Variants in IARS1 observed in about 807,000 individuals in gnomAD.
The protein encoded by IARS1 is isoleucine--tRNA ligase, cytoplasmic.
A neutral mutation model predicts 168.2 loss-of-function variants in IARS1; 124 were observed. That is an observed-to-expected ratio of 0.74 (90% CI 0.64 to 0.86). The LOEUF is 0.86. Ranked by LOEUF, IARS1 falls within the 40% of genes least tolerant of loss-of-function variation. IARS1 has a pLI of 0.00. For synonymous variants in IARS1, 532 were observed against 529.4 expected (o/e 1.00, Z -0.07); for missense variants, 1,452 against 1,515.8 (o/e 0.96, Z 0.70).
rs1835726626 is a variant in IARS1, at chr9:92,288,044, T to C, written c.276+82A>G. 5 of 1,518,328 alleles carry C rather than the reference T, an allele frequency of 3.3e-6. No individual in the cohort carries two copies. The South Asian group carries it at 4.7e-5, about 14-fold the overall frequency. The allele number at this position is 1,518,328 out of a possible 1,614,324, so 94.1% of individuals were successfully genotyped here. The stretch of plus-strand genomic sequence containing the variant: ...TAGAAGGTCTGACAGTCAACGTTCA[T>C]CATACTTGAACATATTATATGACAA... On this transcript the variant is annotated intron_variant, in intron 3 of 33. Coordinates refer to ENST00000443024, the MANE Select transcript of IARS1 (RefSeq NM_002161.6).
chr9:92,228,067 A>G (rs928331636), intron 31 of IARS1, among the ~76,000 whole-genome samples: 4 of 151,878 alleles, frequency 2.6e-5, no homozygotes, highest in African/African-American at 9.7e-5. Context: ...AGTGAACGAG[A>G]CTCCGTCTGC....
intron 6 of IARS1, among the ~76,000 whole-genome samples, chr9:92,285,406 C>T (rs988407183): frequency 2.0e-5 from 3 of 152,168 alleles, no homozygotes; most frequent in African/African-American, 4.8e-5. Context: ...CCTTAAGAAA[C>T]GATGACTACA....
Position 92,244,926 on chromosome 9 carries a change from G to A in IARS1, c.2904+33C>T, listed in dbSNP as rs751560801. 2.9e-5 allele frequency: 44 copies of A among 1,525,676 alleles called. No homozygotes were observed. The African/African-American group carries it at 4.8e-4, about 17-fold the overall frequency. 94.5% of individuals were successfully genotyped at this position (1,525,676 alleles called of 1,614,324 possible). ...TTCTCCTCTTATGCTCTCATCTCTT[G>A]GTAAAGAAATGTTCTAGGAAACAGA... On this transcript the variant is annotated intron_variant, in intron 27 of 33. Transcript: ENST00000443024.
At chr9:92,289,974 T>C (rs563135652) in intron 1 of IARS1, among the ~76,000 whole-genome samples, 6 of 152,342 alleles carry the variant, frequency 3.9e-5, no homozygotes, top group South Asian at 4.1e-4. Flanking sequence ...GATACCTGTA[T>C]TGTTTCCACT....
intron 13 of IARS1, among the ~76,000 whole-genome samples, chr9:92,268,504 G>A (rs139194855): frequency 6.6e-6 from 1 of 152,262 alleles, no homozygotes; most frequent in African/African-American, 2.4e-5. Flanking sequence ...ACATCCAATA[G>A]ATTACCCCAC....
intron 33 of IARS1, among the ~76,000 whole-genome samples, chr9:92,217,748 C>G (rs1057460986): frequency 1.3e-5 from 2 of 152,100 alleles, no homozygotes; most frequent in Admixed American, 6.6e-5. Context: ...TCTGAATAGA[C>G]CAATAACAGA....
intron 2 of IARS1, 23 bp downstream of exon 2, chr9:92,289,278 C>A: frequency 1.1e-6 from 1 of 898,412 alleles, no homozygotes; most frequent in Non-Finnish European, 1.8e-6. Context: ...CTTAAGGGAA[C>A]TTAACCTAAA....
At chr9:92,265,312 C>T (rs1314058327) in intron 15 of IARS1, among the ~76,000 whole-genome samples, 168 bp downstream of exon 15, 1 of 152,220 alleles carries the variant, frequency 6.6e-6, no homozygotes, top group Non-Finnish European at 1.5e-5. Context: ...CACCATTCAC[C>T]TCACATTTCA....
In IARS1 at chr9:92,265,002, C is replaced by G. The variant is rs911573695; in HGVS notation, c.1627G>C (p.Glu543Gln). Residue 543 changes from glutamate to glutamine, a missense_variant, in exon 16 of 34, where the codon GAA (glutamate) becomes CAA (glutamine). Physicochemically the swap from Glu to Gln is conservative, Grantham distance 29. Transcript: ENST00000443024. ...MPYAQVHYPF[E>Q]NKREFEDAFP... is the part of the protein sequence containing the mutation. ...GCATCCTCAAACTCCCTCTTGTTTT[C>G]AAACGGGTAATGAACCTGAGCATAG... is the stretch of plus-strand genomic sequence containing the variant. 3.1e-6 allele frequency: 5 copies of G among 1,614,056 alleles called. No homozygotes were observed. The African/African-American group carries it at 5.3e-5, about 17-fold the overall frequency.
chr9:92,235,870 A>C (rs1345486369), intron 30 of IARS1, among the ~76,000 whole-genome samples: 1 of 152,168 alleles, frequency 6.6e-6, no homozygotes, highest in Admixed American at 6.5e-5. Context: ...CCCTGGAATA[A>C]ATCCCACTTG....
Position 92,242,397 on chromosome 9 carries a change from C to G in IARS1, c.3001-67G>C, listed in dbSNP as rs1587768681. On this transcript the variant is annotated intron_variant, in intron 28 of 33. Transcript: ENST00000443024. ...TATTAATCAGAACTGAAGGAAGGTACTGTTGAACAAGGGCTACAGATCCCA... is the reference window on the plus strand; with the variant it reads ...TATTAATCAGAACTGAAGGAAGGTAGTGTTGAACAAGGGCTACAGATCCCA... The G allele has an allele frequency of 2.3e-6, 3 of 1,298,318 alleles. No homozygotes were observed. In the East Asian group the frequency reaches 7.3e-5, roughly 32 times the overall value. The allele number at this position is 1,298,318 out of a possible 1,614,324, so 80.4% of individuals were successfully genotyped here.
intron 9 of IARS1, among the ~76,000 whole-genome samples, chr9:92,276,806 T>C (rs1409427415): frequency 1.3e-5 from 2 of 152,346 alleles, no homozygotes; most frequent in Non-Finnish European, 2.9e-5. Context: ...TTTGACACTA[T>C]TCTTTCGGTG....
intron 31 of IARS1, among the ~76,000 whole-genome samples, chr9:92,225,823 C>T (rs1825584273): frequency 6.6e-6 from 1 of 152,186 alleles, no homozygotes; most frequent in Admixed American, 6.5e-5. Flanking sequence ...GCTAAACAGG[C>T]TAACATGGGG....
chr9:92,271,609 G>A lies in IARS1; in HGVS notation c.1037C>T (p.Ser346Leu). 6.2e-7 allele frequency: 1 copy of A among 1,614,088 alleles called. No homozygotes were observed. The highest frequency in any genetic ancestry group is 1.3e-5 in the African/African-American group (1 of 75,046). ...AGCATCCACAGGGCAAACAGGGAGT[G>A]AGTCTTTCCGAATAATGTTAAAGTC... ...CMDFNIIRKD[S>L]LPVCPVDASG... Residue 346 changes from serine (S) to leucine (L), a missense_variant, in exon 11 of 34, where the codon TCA (serine) becomes TTA (leucine). Ser to Leu is a moderately radical substitution (Grantham distance 145, BLOSUM62 -2). Transcript: ENST00000443024.
chr9:92,257,109 T>A (rs912836760), intron 19 of IARS1, among the ~76,000 whole-genome samples: 6 of 152,230 alleles, frequency 3.9e-5, no homozygotes, highest in Non-Finnish European at 8.8e-5. Flanking sequence ...AGGGTTTAGT[T>A]ACTTTAAACC....
At chr9:92,250,010 T>C (rs925426891) in intron 24 of IARS1, 69 bp from the exon 25 acceptor site, 2 of 965,662 alleles carry the variant, frequency 2.1e-6, no homozygotes, top group Non-Finnish European at 3.3e-6. Context: ...AAATGGAATA[T>C]TAAATGTTTA....
At chr9:92,290,949 A>T (rs1229815258) in intron 1 of IARS1, among the ~76,000 whole-genome samples, 1 of 152,220 alleles carries the variant, frequency 6.6e-6, no homozygotes, top group African/African-American at 2.4e-5. Context: ...CTCACATTCA[A>T]ATATAGATTC....
In IARS1 at chr9:92,250,847, A is replaced by G; in HGVS notation, c.2308-13T>C. The G allele has an allele frequency of 6.3e-7, 1 of 1,591,720 alleles. No individual in the cohort carries two copies. The highest frequency in any genetic ancestry group is 8.5e-7 in the Non-Finnish European group (1 of 1,170,464). ...GTGTGTAGGGAGCCTGTATGAAGAC[A>G]CAGGACATCATGTCAGTTATATGCA... On this transcript the variant is annotated splice_polypyrimidine_tract_variant and intron_variant, in intron 22 of 33. Transcript: ENST00000443024.
At position 92,240,974 on chromosome 9, in the gene IARS1, G is replaced by A; in HGVS notation, c.3178-13C>T. 1 of 1,522,604 alleles carries A rather than the reference G, an allele frequency of 6.6e-7. No individual in the cohort carries two copies. The highest frequency in any genetic ancestry group is 9.1e-7 in the Non-Finnish European group (1 of 1,097,368). The allele number at this position is 1,522,604 out of a possible 1,614,324, so 94.3% of individuals were successfully genotyped here. ...CAGATCCCTTCAACTGAGCACATGA[G>A]AACGTATGACTGAGTAACTGTGGCA... On this transcript the variant is annotated splice_polypyrimidine_tract_variant and intron_variant, in intron 29 of 33. Coordinates refer to ENST00000443024, the MANE Select transcript of IARS1 (RefSeq NM_002161.6).
Sources: allele counts gnomAD v4.1 joint callset (sites outside exome capture counted in the v4.1 genomes callset), GRCh38; gene constraint gnomAD v4.1.1; transcripts MANE v1.5; gene names NCBI Gene and HGNC (gene_info 2026-07-23, HGNC 2026-07-21).